Variants in CNTNAP2 observed in about 807,000 individuals in gnomAD.
CNTNAP2 encodes the protein contactin associated protein 2.
Under a neutral mutation model 155.2 loss-of-function variants are expected in CNTNAP2, and 98 were observed. That is an observed-to-expected ratio of 0.63 (90% confidence interval 0.54 to 0.75). The LOEUF is 0.75. CNTNAP2 is among the 30% of genes least tolerant of loss of function. The pLI is 0.00. For missense variants in CNTNAP2, 1,727 were observed against 1,688.1 expected (o/e 1.02, Z -0.40); for synonymous variants, 651 against 631.2 (o/e 1.03, Z -0.47).
chr7:147,763,185 G>T (rs1411971854), intron 13 of CNTNAP2, among the ~76,000 whole-genome samples: 2 of 151,794 alleles, frequency 1.3e-5, no homozygotes, highest in Non-Finnish European at 2.9e-5. Context: ...CTTGAACCCG[G>T]GAGGCGGAGG....
intron 1 of CNTNAP2, among the ~76,000 whole-genome samples, chr7:146,164,619 C>T (rs143514801): frequency 6.6e-6 from 1 of 152,320 alleles, no homozygotes; most frequent in African/African-American, 2.4e-5. Flanking sequence ...GTTTCCTTCT[C>T]ATTTGGCTAA....
In CNTNAP2 at chr7:148,275,828, T is replaced by C. The variant is rs143693787; in HGVS notation, c.3475+8702T>C. On this transcript the variant is annotated intron_variant, in intron 21 of 23. Coordinates refer to ENST00000361727, the MANE Select transcript of CNTNAP2 (RefSeq NM_014141.6). ...CATATGCTATTGACCAAAATCTGGGTTCCAGCCCATGTTCCAAGAGAGAGG... is the reference window on the plus strand; with the variant it reads ...CATATGCTATTGACCAAAATCTGGGCTCCAGCCCATGTTCCAAGAGAGAGG... Among the ~76,000 whole-genome samples the C allele has an allele frequency of 4.2e-3, 640 of 152,270 alleles. 5 individuals carry two copies. The highest frequency in any genetic ancestry group is 0.015 in the African/African-American group (611 of 41,550).
intron 14 of CNTNAP2, among the ~76,000 whole-genome samples, chr7:147,925,391 A>G (rs987082916): frequency 1.2e-4 from 18 of 152,100 alleles, no homozygotes; most frequent in African/African-American, 4.1e-4. Context: ...ATGAACCTAC[A>G]TTGACACATT....
At chr7:148,231,846 C>T (rs1302530293) in intron 20 of CNTNAP2, among the ~76,000 whole-genome samples, 1 of 152,112 alleles carries the variant, frequency 6.6e-6, no homozygotes, top group African/African-American at 2.4e-5. Context: ...ACTTGGGAAA[C>T]TCCCTCAAAA....
chr7:148,268,751 T>C (rs1181091886), intron 21 of CNTNAP2, among the ~76,000 whole-genome samples: 1 of 152,134 alleles, frequency 6.6e-6, no homozygotes, highest in African/African-American at 2.4e-5. Context: ...CCATTCAATC[T>C]TCGTCACAAT....
intron 21 of CNTNAP2, among the ~76,000 whole-genome samples, chr7:148,349,838 A>G (rs921100925): frequency 3.3e-5 from 5 of 152,246 alleles, no homozygotes; most frequent in Non-Finnish European, 2.9e-5. Context: ...CAAGGCCGGC[A>G]TTTACCTGAA....
intron 3 of CNTNAP2, among the ~76,000 whole-genome samples, chr7:146,853,595 T>A (rs1562973870): frequency 6.6e-6 from 1 of 152,188 alleles, no homozygotes; most frequent in Non-Finnish European, 1.5e-5. Context: ...GGTAAGCACT[T>A]TTTGTGTCAA....
chr7:147,973,018 G>A (rs556176413), intron 14 of CNTNAP2, among the ~76,000 whole-genome samples: 12 of 152,074 alleles, frequency 7.9e-5, no homozygotes, highest in South Asian at 6.2e-4. Context: ...AACAGTGGGC[G>A]TGGTGGCATG....
intron 9 of CNTNAP2, among the ~76,000 whole-genome samples, chr7:147,307,469 A>T (rs768354447): frequency 6.6e-6 from 1 of 152,060 alleles, no homozygotes; most frequent in Non-Finnish European, 1.5e-5. Flanking sequence ...CTGTAGTCCC[A>T]GCTACTTGGG....
chr7:147,003,277 A>T (rs1237464996), intron 3 of CNTNAP2, among the ~76,000 whole-genome samples: 1 of 151,978 alleles, frequency 6.6e-6, no homozygotes, highest in Non-Finnish European at 1.5e-5. Context: ...ACATTATGTG[A>T]TTGATCTTGT....
intron 1 of CNTNAP2, among the ~76,000 whole-genome samples, chr7:146,667,619 C>A (rs1314468829): frequency 1.3e-5 from 2 of 151,830 alleles, no homozygotes; most frequent in Non-Finnish European, 2.9e-5. Context: ...ATGTATCTTT[C>A]TGTTCATTTG....
chr7:147,185,199 TA>T (rs1563107294), intron 8 of CNTNAP2, among the ~76,000 whole-genome samples: 1 of 151,936 alleles, frequency 6.6e-6, no homozygotes, highest in African/African-American at 2.4e-5. Flanking sequence ...AGAAGTAATA[TA>T]AATAAGAACA....
intron 14 of CNTNAP2, among the ~76,000 whole-genome samples, chr7:147,906,406 A>T (rs1414170167): frequency 6.6e-6 from 1 of 151,954 alleles, no homozygotes; most frequent in Admixed American, 6.6e-5. Context: ...CCTGACCTCA[A>T]GTGATCCACC....
At chr7:148,096,813 C>T (rs1052283150) in intron 15 of CNTNAP2, among the ~76,000 whole-genome samples, 1 of 152,132 alleles carries the variant, frequency 6.6e-6, no homozygotes, top group Non-Finnish European at 1.5e-5. Flanking sequence ...GGCCCTGTCC[C>T]GAGCAAAAGA....
rs570921935 is a variant in CNTNAP2, at chr7:146,248,728, G to A, written c.97+131755G>A. Among the ~76,000 whole-genome samples, 53 of 152,262 alleles carry A rather than the reference G, an allele frequency of 3.5e-4. No homozygotes were observed. In the South Asian group the frequency reaches 5.0e-3, roughly 14 times the overall value. ...TCGGTCTGAGGACCTGAGGTCGTAC[G>A]TGGATCTTTCTCACGAGCAAAGAAC... On this transcript the variant is annotated intron_variant, in intron 1 of 23. Transcript: ENST00000361727.
At chr7:147,242,022 G>A (rs547359902) in intron 8 of CNTNAP2, among the ~76,000 whole-genome samples, 6 of 152,248 alleles carry the variant, frequency 3.9e-5, no homozygotes, top group Non-Finnish European at 8.8e-5. Flanking sequence ...TTCGCACCAT[G>A]CAAAACTGCC....
rs1794730982 is a variant in CNTNAP2, at chr7:146,341,632, T to G, written c.97+224659T>G. Among the ~76,000 whole-genome samples the G allele has an allele frequency of 2.0e-5, 3 of 152,148 alleles. No individual in the cohort carries two copies. The South Asian group carries it at 6.2e-4, about 31-fold the overall frequency. On this transcript the variant is annotated intron_variant, in intron 1 of 23. Transcript: ENST00000361727. ...CTAGAAAAACAGGATTTTAATTATT[T>G]TAATGATAAATCTGCTTTATAATTA...
chr7:147,736,931 T>C (rs1796858792), intron 13 of CNTNAP2, among the ~76,000 whole-genome samples: 1 of 152,218 alleles, frequency 6.6e-6, no homozygotes, highest in African/African-American at 2.4e-5. Flanking sequence ...GTCAAATCTT[T>C]GTTCAAGATT....
At chr7:148,375,329 T>C (rs997802113) in intron 21 of CNTNAP2, among the ~76,000 whole-genome samples, 8 of 146,052 alleles carry the variant, frequency 5.5e-5, no homozygotes, top group African/African-American at 2.0e-4. Context: ...AATATAAATA[T>C]ATATATTTTT....
Sources: allele counts gnomAD v4.1 joint callset (sites outside exome capture counted in the v4.1 genomes callset), GRCh38; gene constraint gnomAD v4.1.1; transcripts MANE v1.5; gene names NCBI Gene and HGNC (gene_info 2026-07-23, HGNC 2026-07-21).